POU1F1: variants seen among roughly 807,000 people sequenced by gnomAD.
POU1F1 encodes the protein pituitary-specific positive transcription factor 1.
A neutral mutation model predicts 32.3 loss-of-function variants in POU1F1; 23 were observed. The observed-to-expected ratio is 0.71, with a 90% confidence interval of 0.51 to 1.01. POU1F1 has a LOEUF of 1.01. Among genes scored for constraint, POU1F1 ranks in the 50% least tolerant of loss-of-function variants. The pLI is 0.00. For missense variants in POU1F1, 323 were observed against 341.6 expected (o/e 0.95, Z 0.43); for synonymous variants, 120 against 115.6 (o/e 1.04, Z -0.25).
intron 2 of POU1F1, among the ~76,000 whole-genome samples, chr3:87,265,462 G>A (rs1336029904): frequency 6.6e-6 from 1 of 151,926 alleles, no homozygotes; most frequent in East Asian, 1.9e-4. Context: ...ATAGGTGAGA[G>A]GACAGTATAT....
chr3:87,261,791 A>T (rs1399415447), intron 4 of POU1F1, among the ~76,000 whole-genome samples: 1 of 152,212 alleles, frequency 6.6e-6, no homozygotes, highest in African/African-American at 2.4e-5. Context: ...AAAAAAATGG[A>T]TGTGTAAAAA....
intron 2 of POU1F1, among the ~76,000 whole-genome samples, chr3:87,272,537 A>G (rs762813989): frequency 6.6e-6 from 1 of 152,220 alleles, no homozygotes; most frequent in Non-Finnish European, 1.5e-5. Flanking sequence ...ATGCCATGAA[A>G]TTAAACAAGA....
chr3:87,267,743 T>C (rs1706650289), intron 2 of POU1F1, among the ~76,000 whole-genome samples: 1 of 152,112 alleles, frequency 6.6e-6, no homozygotes, highest in South Asian at 2.1e-4. Flanking sequence ...AAGTAGAATC[T>C]ACAGGCATGC....
intron 2 of POU1F1, among the ~76,000 whole-genome samples, chr3:87,266,699 G>C (rs1227609445): frequency 2.6e-5 from 4 of 151,692 alleles, no homozygotes; most frequent in Admixed American, 2.6e-4. Flanking sequence ...TTATTATATA[G>C]CTTTTCTTGA....
rs1706465570 is a variant in POU1F1, at chr3:87,259,586, A to T, written c.*308T>A. Reference sequence around the variant, plus strand: ...TACATGTTTGGAAAAGGAACTTATAAACCCATACTCATATGTCTGCGTGTG... The same window carrying T: ...TACATGTTTGGAAAAGGAACTTATATACCCATACTCATATGTCTGCGTGTG... On this transcript the variant is annotated 3_prime_UTR_variant, in exon 6 of 6. Coordinates refer to ENST00000350375, the MANE Select transcript of POU1F1 (RefSeq NM_000306.4). The T allele has an allele frequency of 3.2e-6, 1 of 309,484 alleles. No individual in the cohort carries two copies. Among genetic ancestry groups the T allele is most frequent in the South Asian group, 3.6e-5 (1 of 28,076 alleles). The allele number at this position is 309,484 out of a possible 1,614,324, so 19.2% of individuals were successfully genotyped here.
intron 2 of POU1F1, among the ~76,000 whole-genome samples, chr3:87,269,698 TAATA>T (rs1216858098): frequency 4.6e-5 from 7 of 152,208 alleles, no homozygotes; most frequent in African/African-American, 1.7e-4. Flanking sequence ...TCTTTTCTTT[TAATA>T]TCCACTTCTC....
chr3:87,272,790 T>G (rs1706751216), intron 2 of POU1F1, among the ~76,000 whole-genome samples: 1 of 152,128 alleles, frequency 6.6e-6, no homozygotes, highest in Admixed American at 6.6e-5. Context: ...CCAATCACTC[T>G]TAGCTTCAAT....
At chr3:87,266,649 C>A (rs1455267465) in intron 2 of POU1F1, among the ~76,000 whole-genome samples, 4 of 151,548 alleles carry the variant, frequency 2.6e-5, no homozygotes, top group Non-Finnish European at 5.9e-5. Context: ...CTTGATCAGA[C>A]AAGAGAACAT....
chr3:87,270,109 CTAT>C (rs1706697895), intron 2 of POU1F1, among the ~76,000 whole-genome samples: 1 of 151,958 alleles, frequency 6.6e-6, no homozygotes, highest in Non-Finnish European at 1.5e-5. Flanking sequence ...TCTAGGTTTT[CTAT>C]TATTTGTACT....
chr3:87,269,953 T>G (rs1457339373), intron 2 of POU1F1, among the ~76,000 whole-genome samples: 1 of 152,160 alleles, frequency 6.6e-6, no homozygotes, highest in Non-Finnish European at 1.5e-5. Flanking sequence ...CCCATTGAGC[T>G]TGTTTCCTGA....
chr3:87,260,227 A>G (rs1345430153), intron 5 of POU1F1, 123 bp from the exon 6 acceptor site: 4 of 742,014 alleles, frequency 5.4e-6, no homozygotes, highest in Non-Finnish European at 9.3e-6. Flanking sequence ...AAAAACTCTG[A>G]ACACACTTGC....
intron 2 of POU1F1, among the ~76,000 whole-genome samples, chr3:87,272,651 C>T (rs1195458372): frequency 1.3e-5 from 2 of 152,158 alleles, no homozygotes; most frequent in Admixed American, 1.3e-4. Flanking sequence ...ATAATTGATA[C>T]AGTCATACTT....
chr3:87,260,881 T>G (rs1341856177), intron 5 of POU1F1, among the ~76,000 whole-genome samples: 1 of 34,174 alleles, frequency 2.9e-5, no homozygotes, highest in Non-Finnish European at 6.3e-5. Context: ...TTTTTATTTA[T>G]TTATTTATTT....
At chr3:87,270,355 A>T (rs1244557292) in intron 2 of POU1F1, among the ~76,000 whole-genome samples, 1 of 152,168 alleles carries the variant, frequency 6.6e-6, no homozygotes, top group Non-Finnish European at 1.5e-5. Context: ...AATGGCATGG[A>T]TAATTCATTA....
intron 2 of POU1F1, among the ~76,000 whole-genome samples, chr3:87,267,481 G>T (rs1706641586): frequency 1.3e-5 from 2 of 152,012 alleles, no homozygotes; most frequent in Admixed American, 1.3e-4. Context: ...TCTTTAAAAG[G>T]TTTTCTCTGC....
In POU1F1 at chr3:87,261,287, T is replaced by G. The variant is rs773523196; in HGVS notation, c.651A>C (p.Arg217=). The change falls in exon 5 of 6, where the codon CGA becomes CGC. Residue 217 remains arginine, a synonymous_variant. Coordinates refer to ENST00000350375, the MANE Select transcript of POU1F1 (RefSeq NM_000306.4). ...ATAAAGAATACCTTATAGTTGTTCTTCGTTTTCTTTTCCTTTCATTTGCTC... is the reference window on the plus strand; with the variant it reads ...ATAAAGAATACCTTATAGTTGTTCTGCGTTTTCTTTTCCTTTCATTTGCTC... ...KVGANERKRK[R]RTTISIAAKD... 5.0e-6 allele frequency: 8 copies of G among 1,585,118 alleles called. No individual in the cohort carries two copies. In the Admixed American group the frequency reaches 1.2e-4, roughly 24 times the overall value.
chr3:87,260,313 C>T (rs1348029323), intron 5 of POU1F1, among the ~76,000 whole-genome samples: 1 of 152,132 alleles, frequency 6.6e-6, no homozygotes, highest in African/African-American at 2.4e-5. Flanking sequence ...TAGAGTTACA[C>T]GAGAGTCACG....
chr3:87,273,349 G>A lies in POU1F1; in HGVS notation c.212C>T (p.Ala71Val), dbSNP rs771947200. 21 of 1,611,678 alleles carry A rather than the reference G, an allele frequency of 1.3e-5. No homozygotes were observed. The highest frequency in any genetic ancestry group is 2.2e-5 in the East Asian group (1 of 44,792). ...GNQPSTYGVM[A>V]GSLTPCLYKF... ...ATGTAAAAGACAACTTTTCTTACCT[G>A]CCATCACTCCATAGGTTGATGGCTG... Residue 71 changes from alanine to valine, a missense_variant and splice_region_variant, in exon 2 of 6, where the codon GCA becomes GTA. Transcript: ENST00000350375.
At chr3:87,272,077 C>CA (rs1311093572) in intron 2 of POU1F1, among the ~76,000 whole-genome samples, 1 of 148,732 alleles carries the variant, frequency 6.7e-6, no homozygotes, top group African/African-American at 2.5e-5. Flanking sequence ...TATTTGTCTG[C>CA]GGTTTTTTTT....
Sources: gnomAD v4.1 joint callset for allele counts (sites outside exome capture counted in the v4.1 genomes callset) on GRCh38, gnomAD v4.1.1 for gene constraint, MANE v1.5 for transcripts, NCBI Gene and HGNC (gene_info 2026-07-23, HGNC 2026-07-21) for gene names.